Variants in ZNF652 observed in about 807,000 individuals in gnomAD.
ZNF652 encodes the protein zinc finger protein 652.
Under a neutral mutation model 45.2 loss-of-function variants are expected in ZNF652, and 16 were observed. The ratio of observed to expected loss-of-function variants is 0.35; its 90% CI spans 0.24 to 0.54. The LOEUF (loss-of-function observed/expected upper bound fraction) is 0.54. ZNF652 is among the 20% of genes least tolerant of loss of function. The pLI, the probability that ZNF652 is intolerant of heterozygous loss-of-function variation, is 0.91. For synonymous variants in ZNF652, 250 were observed against 260.6 expected (o/e 0.96, Z 0.39); for missense variants, 614 against 765.6 (o/e 0.80, Z 2.34).
chr17:49,338,555 T>G (rs924213758), intron 1 of ZNF652, among the ~76,000 whole-genome samples: 1 of 152,242 alleles, frequency 6.6e-6, no homozygotes, highest in Admixed American at 6.5e-5. Context: ...TAGTTTGAAT[T>G]ACTTTGAATT....
intron 1 of ZNF652, among the ~76,000 whole-genome samples, chr17:49,342,049 G>A (rs1458835676): frequency 2.0e-5 from 3 of 152,110 alleles, no homozygotes; most frequent in Admixed American, 6.5e-5. Flanking sequence ...AGCCGGGCAT[G>A]GTGGCAGGCG....
chr17:49,301,550 G>A (rs374668388), intron 5 of ZNF652, among the ~76,000 whole-genome samples: 14 of 151,924 alleles, frequency 9.2e-5, no homozygotes, highest in Admixed American at 1.3e-4. Context: ...CGCCCACCTC[G>A]GCCTCCCAAA....
At chr17:49,312,957 G>A (rs949746136) in intron 2 of ZNF652, 112 bp from the exon 3 acceptor site, 1 of 1,031,678 alleles carries the variant, frequency 9.7e-7, no homozygotes, top group African/African-American at 1.6e-5. Flanking sequence ...CCAGAATCCA[G>A]ATAAGTGCTA....
intron 2 of ZNF652, among the ~76,000 whole-genome samples, chr17:49,313,712 C>T (rs986971727): frequency 6.6e-6 from 1 of 151,230 alleles, no homozygotes; most frequent in Non-Finnish European, 1.5e-5. Context: ...GTGGCTCACG[C>T]CTATAATCCC....
chr17:49,339,969 T>C (rs2070127493), intron 1 of ZNF652, among the ~76,000 whole-genome samples: 1 of 152,104 alleles, frequency 6.6e-6, no homozygotes, highest in African/African-American at 2.4e-5. Context: ...CCTGACCTCG[T>C]GATCCACCTG....
intron 1 of ZNF652, among the ~76,000 whole-genome samples, chr17:49,323,506 G>A (rs2069921046): frequency 6.6e-6 from 1 of 152,198 alleles, no homozygotes; most frequent in African/African-American, 2.4e-5. Flanking sequence ...AATCACAAAT[G>A]TTCTTAATGG....
intron 2 of ZNF652, among the ~76,000 whole-genome samples, chr17:49,314,459 C>T (rs893006794): frequency 3.3e-5 from 5 of 152,048 alleles, no homozygotes; most frequent in Non-Finnish European, 7.4e-5. Flanking sequence ...TGCACCCAGC[C>T]TTACTGTTTC....
rs1221188696 is a variant in ZNF652, at chr17:49,296,842, A to G, written c.*1571T>C. On this transcript the variant is annotated 3_prime_UTR_variant, in exon 6 of 6. Transcript: ENST00000430262. ...AAATTTTAAGCTATACTGAGTCTGG[A>G]TAAATATGATCTGTTAAGTGTAATC... is the stretch of plus-strand genomic sequence containing the variant. 2 of 152,216 alleles carry G rather than the reference A, an allele frequency of 1.3e-5. No individual in the cohort carries two copies. Among genetic ancestry groups the G allele is most frequent in the Non-Finnish European group, 2.9e-5 (2 of 68,038 alleles). 9.4% of individuals were successfully genotyped at this position (152,216 alleles called of 1,614,324 possible).
At chr17:49,315,111 G>A (rs886236746) in intron 2 of ZNF652, among the ~76,000 whole-genome samples, 26 of 147,794 alleles carry the variant, frequency 1.8e-4, no homozygotes, top group African/African-American at 6.5e-4. Flanking sequence ...GCACAATCTC[G>A]GCTCACTGCA....
chr17:49,341,086 C>A (rs1265708963), intron 1 of ZNF652, among the ~76,000 whole-genome samples: 2 of 151,998 alleles, frequency 1.3e-5, no homozygotes, highest in East Asian at 3.9e-4. Context: ...TGGCAGGCTC[C>A]TGTAATCCCA....
At chr17:49,360,903 T>A (rs2070385477) in intron 1 of ZNF652, among the ~76,000 whole-genome samples, 1 of 152,016 alleles carries the variant, frequency 6.6e-6, no homozygotes, top group Non-Finnish European at 1.5e-5. Flanking sequence ...TTCCTGAGGG[T>A]CCACGGGAGA....
intron 1 of ZNF652, among the ~76,000 whole-genome samples, chr17:49,336,323 C>CTTT (rs771233496): frequency 4.0e-5 from 5 of 123,594 alleles, no homozygotes; most frequent in African/African-American, 9.3e-5. Context: ...ATGCCCAGCC[C>CTTT]TTTTTTTTTT....
At chr17:49,338,967 A>AAGGTCC (rs1466789744) in intron 1 of ZNF652, among the ~76,000 whole-genome samples, 2 of 152,156 alleles carry the variant, frequency 1.3e-5, no homozygotes, top group Non-Finnish European at 2.9e-5. Context: ...CCTTAACATG[A>AAGGTCC]AGGTCCCCTT....
chr17:49,288,913 TCA>T (rs1036082023), downstream of ZNF652, among the ~76,000 whole-genome samples: 1 of 152,216 alleles, frequency 6.6e-6, no homozygotes, highest in African/African-American at 2.4e-5. Context: ...AAGGATACTT[TCA>T]GATTATTGCT....
At chr17:49,359,543 C>T (rs1177419275) in intron 1 of ZNF652, among the ~76,000 whole-genome samples, 4 of 152,134 alleles carry the variant, frequency 2.6e-5, no homozygotes, top group Admixed American at 2.0e-4. Flanking sequence ...ATGGCAGAAT[C>T]GTAAGCTCCT....
intron 1 of ZNF652, among the ~76,000 whole-genome samples, chr17:49,318,605 T>C (rs186108644): frequency 1.2e-4 from 19 of 152,332 alleles, no homozygotes; most frequent in Non-Finnish European, 2.6e-4. Context: ...ACAGCATTCA[T>C]TTTCCTAGAT....
rs144744113 is a variant in ZNF652, at chr17:49,317,128, C to T, written c.598G>A (p.Ala200Thr). Residue 200 changes from alanine to threonine, a missense_variant, in exon 2 of 6, where the codon GCA becomes ACA. Transcript: ENST00000430262. ...CTGGGAGTAGGGGAAGTGGTAGCTG[C>T]GGCAACAGAGGCAGCTCTCCTGGTT... is the stretch of plus-strand genomic sequence containing the variant. ...RRTRRAASVAAATTSPTPRTT... is the reference protein window; with the variant it reads ...RRTRRAASVATATTSPTPRTT... The T allele has an allele frequency of 4.3e-4, 699 of 1,613,976 alleles. 4 individuals carry two copies. The African/African-American group carries it at 7.9e-3, about 18-fold the overall frequency.
At chr17:49,334,151 TA>T (rs1436938020) in intron 1 of ZNF652, among the ~76,000 whole-genome samples, 1 of 152,036 alleles carries the variant, frequency 6.6e-6, no homozygotes, top group East Asian at 1.9e-4. Context: ...ATAAACAAAA[TA>T]TATAATCATA....
At chr17:49,312,622 T>C (rs1598291807) in intron 3 of ZNF652, 76 bp downstream of exon 3, 2 of 1,514,004 alleles carry the variant, frequency 1.3e-6, no homozygotes, top group Non-Finnish European at 1.8e-6. Flanking sequence ...CCTCATATCC[T>C]GCCCAATCCA....
Sources: allele counts gnomAD v4.1 joint callset (sites outside exome capture counted in the v4.1 genomes callset), GRCh38; gene constraint gnomAD v4.1.1; transcripts MANE v1.5; gene names NCBI Gene and HGNC (gene_info 2026-07-23, HGNC 2026-07-21).